The following TYW1B variants were observed in gnomAD, a reference collection of about 807,000 sequenced individuals.
TYW1B encodes tRNA-yW synthesizing protein 1 homolog B, also known as S-adenosyl-L-methionine-dependent tRNA 4-demethylwyosine synthase TYW1B.
TYW1B carries 73 observed loss-of-function variants against 86.9 expected under a neutral mutation model. The ratio of observed to expected loss-of-function variants is 0.84; its 90% CI spans 0.70 to 1.02. The LOEUF (loss-of-function observed/expected upper bound fraction) is 1.02. TYW1B is among the 50% of genes least tolerant of loss of function. The pLI is 0.00. For synonymous variants in TYW1B, 248 were observed against 292.8 expected (o/e 0.85, Z 1.56); for missense variants, 637 against 827.4 (o/e 0.77, Z 2.82).
intron 13 of TYW1B, among the ~76,000 whole-genome samples, chr7:72,601,328 A>G (rs1400688469): frequency 6.6e-6 from 1 of 150,612 alleles, no homozygotes; most frequent in Non-Finnish European, 1.5e-5. Flanking sequence ...AATCTATTAG[A>G]ATAGCTAAAC....
chr7:72,662,099 A>T (rs1423831331), intron 11 of TYW1B, among the ~76,000 whole-genome samples: 1 of 152,230 alleles, frequency 6.6e-6, no homozygotes, highest in Non-Finnish European at 1.5e-5. Context: ...GGTTATAAAC[A>T]GACAAATGGA....
chr7:72,579,987 G>T (rs1330251817), intron 13 of TYW1B, among the ~76,000 whole-genome samples: 1 of 152,114 alleles, frequency 6.6e-6, no homozygotes, highest in African/African-American at 2.4e-5. Context: ...GATCCTATTA[G>T]ATCAGGGCTT....
At chr7:72,601,192 C>G (rs143045680) in intron 13 of TYW1B, among the ~76,000 whole-genome samples, 1,898 of 151,510 alleles carry the variant, frequency 0.013, 41 homozygotes, top group African/African-American at 0.041. Flanking sequence ...AAAAAATGGG[C>G]ACAAGATCTG....
At chr7:72,827,372 C>A (rs1554481633) in intron 1 of TYW1B, among the ~76,000 whole-genome samples, 3 of 152,144 alleles carry the variant, frequency 2.0e-5, no homozygotes, top group Non-Finnish European at 4.4e-5. Flanking sequence ...TGCGCCACCG[C>A]ACTCCAGCCT....
chr7:72,584,368 G>A (rs1811225004), intron 13 of TYW1B, among the ~76,000 whole-genome samples: 1 of 151,824 alleles, frequency 6.6e-6, no homozygotes, highest in Non-Finnish European at 1.5e-5. Flanking sequence ...TTGTTTGTTT[G>A]TTTGTTTTAC....
chr7:72,720,649 C>A (rs1385153903), intron 9 of TYW1B, among the ~76,000 whole-genome samples: 4 of 152,148 alleles, frequency 2.6e-5, no homozygotes, highest in African/African-American at 7.2e-5. Context: ...GAGGCTGTTA[C>A]ACTGGTCCTC....
intron 2 of TYW1B, among the ~76,000 whole-genome samples, chr7:72,818,430 A>T (rs1363368570): frequency 6.7e-6 from 1 of 149,948 alleles, no homozygotes; most frequent in Non-Finnish European, 1.5e-5. Context: ...AATACAAAAA[A>T]TTAGCTGGGT....
At chr7:72,661,478 G>A (rs1385739196) in intron 11 of TYW1B, among the ~76,000 whole-genome samples, 52 of 149,432 alleles carry the variant, frequency 3.5e-4, no homozygotes, top group African/African-American at 1.2e-3. Flanking sequence ...TAATTATCAC[G>A]TGGATGCTGT....
chr7:72,773,980 A>G (rs1345431060), intron 7 of TYW1B, among the ~76,000 whole-genome samples: 10 of 150,456 alleles, frequency 6.6e-5, no homozygotes, highest in African/African-American at 1.2e-4. Flanking sequence ...CAGGAGAATC[A>G]CTTGAACTCA....
intron 11 of TYW1B, among the ~76,000 whole-genome samples, chr7:72,639,270 T>A (rs1451020663): frequency 6.6e-6 from 1 of 151,776 alleles, no homozygotes; most frequent in Non-Finnish European, 1.5e-5. Flanking sequence ...TTTGTTTTTT[T>A]GAGACAGGGT....
chr7:72,653,504 G>A (rs1813114511), intron 11 of TYW1B, among the ~76,000 whole-genome samples: 1 of 152,090 alleles, frequency 6.6e-6, no homozygotes. Flanking sequence ...CTACATGGGA[G>A]GCTGAGGCAG....
chr7:72,734,025 G>A (rs782282351), intron 8 of TYW1B, among the ~76,000 whole-genome samples: 4 of 152,010 alleles, frequency 2.6e-5, no homozygotes, highest in African/African-American at 4.8e-5. Context: ...TTGGGAGGCC[G>A]AGGCAGGCAG....
intron 2 of TYW1B, among the ~76,000 whole-genome samples, chr7:72,818,985 C>T (rs879966956): frequency 2.6e-5 from 4 of 152,110 alleles, no homozygotes; most frequent in Admixed American, 2.0e-4. Context: ...AGATCCAAAC[C>T]ATATCAATTA....
At chr7:72,688,896 C>T (rs1180832567) in intron 11 of TYW1B, among the ~76,000 whole-genome samples, 12 of 152,220 alleles carry the variant, frequency 7.9e-5, no homozygotes, top group African/African-American at 2.4e-4. Context: ...CTTGCAGACA[C>T]TGGCTTTAGA....
intron 11 of TYW1B, among the ~76,000 whole-genome samples, chr7:72,682,132 C>T (rs1224929023): frequency 6.6e-6 from 1 of 151,900 alleles, no homozygotes; most frequent in Non-Finnish European, 1.5e-5. Context: ...CCCACCTCAG[C>T]CTCCCAAAGT....
At chr7:72,603,595 T>C (rs752065598) in intron 13 of TYW1B, among the ~76,000 whole-genome samples, 9 of 152,104 alleles carry the variant, frequency 5.9e-5, no homozygotes, top group Non-Finnish European at 1.0e-4. Flanking sequence ...GAGCACAGTA[T>C]GAAAAGCAGG....
chr7:72,784,143 A>AG (rs1181679873), intron 6 of TYW1B, among the ~76,000 whole-genome samples: 2 of 63,890 alleles, frequency 3.1e-5, no homozygotes, highest in Admixed American at 1.6e-4. Flanking sequence ...TATTTACTGC[A>AG]GAAAAAAAAA....
intron 11 of TYW1B, among the ~76,000 whole-genome samples, chr7:72,644,793 A>G (rs1812885019): frequency 6.6e-6 from 1 of 151,842 alleles, no homozygotes; most frequent in Non-Finnish European, 1.5e-5. Flanking sequence ...CAATGTCTAG[A>G]AAATTACATA....
intron 10 of TYW1B, among the ~76,000 whole-genome samples, chr7:72,707,982 T>C (rs1292208407): frequency 6.6e-6 from 1 of 152,198 alleles, no homozygotes; most frequent in African/African-American, 2.4e-5. Context: ...ATGTGCCTGC[T>C]TTCCCCTTTG....
Sources: gnomAD v4.1 joint callset for allele counts (sites outside exome capture counted in the v4.1 genomes callset) on GRCh38, gnomAD v4.1.1 for gene constraint, MANE v1.5 for transcripts, NCBI Gene and HGNC (gene_info 2026-07-23, HGNC 2026-07-21) for gene names.